SLIT3: variants seen among roughly 807,000 people sequenced by gnomAD.
SLIT3 encodes slit guidance ligand 3.
In SLIT3, 68 loss-of-function variants were observed where a neutral mutation model predicts 184.0. The ratio of observed to expected loss-of-function variants is 0.37; its 90% confidence interval spans 0.30 to 0.45. The LOEUF is 0.45. SLIT3 is among the 20% of genes least tolerant of loss of function. SLIT3 has a pLI of 1.00. For synonymous variants in SLIT3, 831 were observed against 828.6 expected (o/e 1.00, Z -0.05); for missense variants, 1,707 against 2,026.0 (o/e 0.84, Z 3.02).
intron 20 of SLIT3, among the ~76,000 whole-genome samples, chr5:168,730,135 C>G (rs1333634204): frequency 6.6e-6 from 1 of 151,446 alleles, no homozygotes; most frequent in Non-Finnish European, 1.5e-5. Flanking sequence ...CAAAAAAGGT[C>G]ACTAGATAAT....
intron 2 of SLIT3, among the ~76,000 whole-genome samples, chr5:169,245,926 A>G (rs1443738580): frequency 1.3e-5 from 2 of 152,342 alleles, no homozygotes; most frequent in African/African-American, 4.8e-5. Context: ...TCCTACTCCC[A>G]GTCCTAACAC....
intron 4 of SLIT3, among the ~76,000 whole-genome samples, chr5:168,920,439 A>C (rs538426870): frequency 3.9e-5 from 6 of 152,260 alleles, no homozygotes; most frequent in Admixed American, 6.5e-5. Context: ...AATTTTGCTG[A>C]GAGCAGGGGC....
In SLIT3 at chr5:168,696,439, A is replaced by G. The variant is rs1213938485; in HGVS notation, c.2943-8T>C. On this transcript the variant is annotated splice_polypyrimidine_tract_variant and splice_region_variant and intron_variant, in intron 27 of 35. Coordinates refer to ENST00000519560, the MANE Select transcript of SLIT3 (RefSeq NM_003062.4). ...CCCAGAGGGCAGGAGCAGCTTTGGGATGTGAGGGGTGGAGAGCAGGGGAGT... is the reference window on the plus strand; with the variant it reads ...CCCAGAGGGCAGGAGCAGCTTTGGGGTGTGAGGGGTGGAGAGCAGGGGAGT... 6.2e-7 allele frequency: 1 copy of G among 1,613,934 alleles called. No individual in the cohort carries two copies. Among genetic ancestry groups the G allele is most frequent in the African/African-American group, 1.3e-5 (1 of 75,008 alleles).
At chr5:168,737,992 CA>C (rs767592953) in intron 20 of SLIT3, among the ~76,000 whole-genome samples, 1 of 152,104 alleles carries the variant, frequency 6.6e-6, no homozygotes, top group Non-Finnish European at 1.5e-5. Flanking sequence ...TCCTGCTTTC[CA>C]TAAGATTCTG....
chr5:169,183,181 A>G, intron 4 of SLIT3, among the ~76,000 whole-genome samples: 1 of 152,232 alleles, frequency 6.6e-6, no homozygotes. Flanking sequence ...CCCTGGACAC[A>G]TACTTCTCTT....
chr5:169,198,257 C>T (rs558596594), intron 3 of SLIT3, among the ~76,000 whole-genome samples: 25 of 152,320 alleles, frequency 1.6e-4, no homozygotes, highest in East Asian at 3.9e-4. Context: ...GCGAAGGTGT[C>T]GTGGGAACAC....
intron 4 of SLIT3, among the ~76,000 whole-genome samples, chr5:169,032,335 T>C (rs1271018657): frequency 6.6e-6 from 1 of 152,192 alleles, no homozygotes; most frequent in Non-Finnish European, 1.5e-5. Flanking sequence ...TGTCCTTAGG[T>C]TAGAAGTTTG....
chr5:168,772,577 T>G, intron 14 of SLIT3: 1 of 581,046 alleles, frequency 1.7e-6, no homozygotes, highest in Non-Finnish European at 3.0e-6. Context: ...TTATTGTGTG[T>G]GTGTGTGTGT....
At chr5:168,780,735 C>A (rs1341389952) in intron 12 of SLIT3, among the ~76,000 whole-genome samples, 1 of 152,162 alleles carries the variant, frequency 6.6e-6, no homozygotes, top group Non-Finnish European at 1.5e-5. Flanking sequence ...AGTATTAACC[C>A]TCTGTCATCC....
intron 16 of SLIT3, among the ~76,000 whole-genome samples, chr5:168,760,399 G>A (rs773263517): frequency 2.6e-5 from 4 of 152,208 alleles, no homozygotes; most frequent in Admixed American, 6.5e-5. Flanking sequence ...ACCCACTGTG[G>A]GAAGCTGCTG....
At chr5:169,106,607 C>T (rs1239456754) in intron 4 of SLIT3, among the ~76,000 whole-genome samples, 1 of 152,204 alleles carries the variant, frequency 6.6e-6, no homozygotes, top group African/African-American at 2.4e-5. Context: ...CCGACATCCT[C>T]CTCAATCTTT....
intron 4 of SLIT3, among the ~76,000 whole-genome samples, chr5:169,108,650 T>A (rs11950283): frequency 6.6e-6 from 1 of 151,970 alleles, no homozygotes; most frequent in Non-Finnish European, 1.5e-5. Context: ...TTTAATGCTC[T>A]TGGTGGATGG....
At chr5:168,846,640 C>T (rs1186893425) in intron 5 of SLIT3, among the ~76,000 whole-genome samples, 1 of 152,164 alleles carries the variant, frequency 6.6e-6, no homozygotes, top group Non-Finnish European at 1.5e-5. Flanking sequence ...AAAATGGCAC[C>T]ATCCGCCTAA....
At chr5:168,922,575 AG>A (rs1462831921) in intron 4 of SLIT3, among the ~76,000 whole-genome samples, 1 of 152,136 alleles carries the variant, frequency 6.6e-6, no homozygotes, top group Non-Finnish European at 1.5e-5. Context: ...GGAGTCTGCA[AG>A]GGGAAGAGAG....
At chr5:169,166,255 G>C (rs1394284062) in intron 4 of SLIT3, among the ~76,000 whole-genome samples, 2 of 152,188 alleles carry the variant, frequency 1.3e-5, no homozygotes, top group African/African-American at 2.4e-5. Context: ...TGCTGGGCTA[G>C]AGAATCGTTT....
In SLIT3 at chr5:169,300,600, T is replaced by A; in HGVS notation, c.110A>T (p.Lys37Met). 2 of 1,508,310 alleles carry A rather than the reference T, an allele frequency of 1.3e-6. No homozygotes were observed. The highest frequency in any genetic ancestry group is 1.8e-6 in the Non-Finnish European group (2 of 1,132,908). 93.4% of individuals were successfully genotyped at this position (1,508,310 alleles called of 1,614,324 possible). A position where few individuals can be genotyped will look rare whatever the true frequency, so the allele number is the denominator to read the frequency against. ...CACGCTGGCAGCGGAGCAGGTACACTTGGTGGGGCAGGCGACGGCTGGAGG... is the reference window on the plus strand; with the variant it reads ...CACGCTGGCAGCGGAGCAGGTACACATGGTGGGGCAGGCGACGGCTGGAGG... ...SGPPAVACPT[K>M]CTCSAASVDC... The change falls in exon 1 of 36, where the codon AAG becomes ATG. Residue 37 changes from lysine to methionine, a missense_variant. Lys to Met is a moderately conservative substitution (Grantham distance 95, BLOSUM62 -1). Transcript: ENST00000519560. This position sits in a 1 kb window ranked among gnomAD's most constrained non-coding sequence, Gnocchi z 4.1.
chr5:168,782,811 A>T (rs1756019903), intron 12 of SLIT3, among the ~76,000 whole-genome samples: 1 of 152,212 alleles, frequency 6.6e-6, no homozygotes, highest in Non-Finnish European at 1.5e-5. Flanking sequence ...ATTACCTTGC[A>T]TCCCCCAAAG....
At chr5:169,203,359 AC>A (rs1763965285) in intron 3 of SLIT3, among the ~76,000 whole-genome samples, 1 of 121,174 alleles carries the variant, frequency 8.3e-6, no homozygotes, top group Non-Finnish European at 1.6e-5. Flanking sequence ...GTGCACACAC[AC>A]ACACACACAC....
chr5:168,726,609 A>G (rs1763138033), intron 20 of SLIT3, among the ~76,000 whole-genome samples: 1 of 151,070 alleles, frequency 6.6e-6, no homozygotes, highest in African/African-American at 2.4e-5. Flanking sequence ...AAAGAAATAT[A>G]AATTATGAAT....
Sources: gnomAD v4.1 joint callset for allele counts (sites outside exome capture counted in the v4.1 genomes callset) on GRCh38, gnomAD v4.1.1 for gene constraint, Gnocchi (gnomAD v3.1) non-coding constraint, MANE v1.5 for transcripts, NCBI Gene and HGNC (gene_info 2026-07-23, HGNC 2026-07-21) for gene names.